Variants in CTXND1 observed in about 807,000 individuals in gnomAD.
The protein encoded by CTXND1 is cortexin domain-containing 1 protein.
At chr15:80,211,741 A>G (rs544503722) in intron 1 of CTXND1, among the ~76,000 whole-genome samples, 1 of 152,168 alleles carries the variant, frequency 6.6e-6, no homozygotes, top group Admixed American at 6.5e-5. Flanking sequence ...AAGTAAGAAA[A>G]GAGGGGTATT....
chr15:80,206,767 T>G (rs1893150843), intron 1 of CTXND1, among the ~76,000 whole-genome samples: 1 of 152,228 alleles, frequency 6.6e-6, no homozygotes, highest in South Asian at 2.1e-4. Flanking sequence ...TCTCTTTCCA[T>G]TGTCAGTTAG....
intron 1 of CTXND1, among the ~76,000 whole-genome samples, chr15:80,228,791 G>A (rs1893398929): frequency 6.6e-6 from 1 of 151,962 alleles, no homozygotes; most frequent in Admixed American, 6.5e-5. Flanking sequence ...ACCATACCCA[G>A]CTAATTTTTG....
At chr15:80,223,644 T>C (rs2162549) in intron 1 of CTXND1, among the ~76,000 whole-genome samples, 24,689 of 152,072 alleles carry the variant, frequency 0.16, 2,076 homozygotes, top group East Asian at 0.28. Context: ...GAGTTTTCCA[T>C]GGTGGATGGA....
At chr15:80,244,957 C>T (rs1054335392) in intron 1 of CTXND1, among the ~76,000 whole-genome samples, 1 of 152,098 alleles carries the variant, frequency 6.6e-6, no homozygotes, top group Non-Finnish European at 1.5e-5. Flanking sequence ...GAATCTCAGC[C>T]CAAATCCCAT....
intron 1 of CTXND1, among the ~76,000 whole-genome samples, chr15:80,216,461 C>T (rs1455278747): frequency 6.6e-6 from 1 of 152,160 alleles, no homozygotes; most frequent in Non-Finnish European, 1.5e-5. Context: ...AATTTGACAA[C>T]TGTTACATAG....
At chr15:80,237,376 T>C (rs1595909609) in intron 1 of CTXND1, among the ~76,000 whole-genome samples, 1 of 146,248 alleles carries the variant, frequency 6.8e-6, no homozygotes, top group Non-Finnish European at 1.5e-5. Context: ...AAGAAAACAG[T>C]GAATTATACA....
intron 1 of CTXND1, among the ~76,000 whole-genome samples, chr15:80,247,327 G>T (rs576863860): frequency 6.6e-6 from 1 of 152,112 alleles, no homozygotes. Context: ...AACTATGCTT[G>T]TGAGGTGCAT....
At chr15:80,221,060 C>T (rs565580789) in intron 1 of CTXND1, among the ~76,000 whole-genome samples, 9 of 152,042 alleles carry the variant, frequency 5.9e-5, no homozygotes, top group Middle Eastern at 3.4e-3. Flanking sequence ...AGGCACCCGC[C>T]ACCACGCTCG....
At chr15:80,213,774 G>T (rs1893224346) in intron 1 of CTXND1, among the ~76,000 whole-genome samples, 1 of 152,214 alleles carries the variant, frequency 6.6e-6, no homozygotes, top group Non-Finnish European at 1.5e-5. Flanking sequence ...GGATTTTGAA[G>T]GGGGAGATTA....
chr15:80,210,265 C>G (rs1200889797), intron 1 of CTXND1, among the ~76,000 whole-genome samples: 1 of 152,158 alleles, frequency 6.6e-6, no homozygotes, highest in Admixed American at 6.6e-5. Context: ...TCTAGCCAGT[C>G]CACTGAAGTT....
At chr15:80,228,636 C>CTTTTTTTTTTTTTTTTTTTTTT (rs58443773) in intron 1 of CTXND1, among the ~76,000 whole-genome samples, 1 of 139,916 alleles carries the variant, frequency 7.1e-6, no homozygotes. Context: ...AAATCTGAAA[C>CTTTTTTTTTTTTTTTTTTTTTT]TTTTTTTTTT....
At chr15:80,222,982 G>C (rs1223803948) in intron 1 of CTXND1, among the ~76,000 whole-genome samples, 2 of 152,146 alleles carry the variant, frequency 1.3e-5, no homozygotes, top group African/African-American at 4.8e-5. Flanking sequence ...TACCTGTCCT[G>C]AAACTTCATA....
chr15:80,201,550 C>T lies in CTXND1; in HGVS notation c.*220G>A, dbSNP rs1211838251. The T allele has an allele frequency of 5.3e-6, 2 of 377,132 alleles. No individual in the cohort carries two copies. Among genetic ancestry groups the T allele is most frequent in the Non-Finnish European group, 9.4e-6 (2 of 212,788 alleles). The allele number at this position is 377,132 out of a possible 1,614,324, so 23.4% of individuals were successfully genotyped here. ...CTGGGTCCTGGTCCAGGGCTCTTTTCCCCTGGCTGGTCCATGGTTGCGACA... is the reference window on the plus strand; with the variant it reads ...CTGGGTCCTGGTCCAGGGCTCTTTTTCCCTGGCTGGTCCATGGTTGCGACA... On this transcript the variant is annotated 3_prime_UTR_variant, in exon 3 of 3. Coordinates refer to ENST00000560778, the MANE Select transcript of CTXND1 (RefSeq NM_001352888.2).
chr15:80,202,774 A>G (rs190783069), intron 2 of CTXND1, among the ~76,000 whole-genome samples: 172 of 152,342 alleles, frequency 1.1e-3, no homozygotes, highest in African/African-American at 4.0e-3. Context: ...GGGACTCTCT[A>G]GAGACTCCTG....
chr15:80,208,992 C>G (rs777657829), intron 1 of CTXND1, among the ~76,000 whole-genome samples: 1 of 152,212 alleles, frequency 6.6e-6, no homozygotes, highest in Non-Finnish European at 1.5e-5. Context: ...CCTCTCAAAC[C>G]TTGATTCTGA....
intron 1 of CTXND1, among the ~76,000 whole-genome samples, chr15:80,209,717 C>T (rs1470564683): frequency 6.6e-6 from 1 of 152,222 alleles, no homozygotes; most frequent in East Asian, 1.9e-4. Flanking sequence ...AAAAAACTAG[C>T]AGCAAGGCAA....
intron 1 of CTXND1, among the ~76,000 whole-genome samples, chr15:80,244,801 C>G (rs1204937746): frequency 6.6e-6 from 1 of 152,158 alleles, no homozygotes; most frequent in Non-Finnish European, 1.5e-5. Context: ...GCAAGTTCAG[C>G]CCCCTAACAC....
intron 1 of CTXND1, among the ~76,000 whole-genome samples, chr15:80,231,992 T>A (rs1286543281): frequency 6.6e-6 from 1 of 152,148 alleles, no homozygotes; most frequent in African/African-American, 2.4e-5. Flanking sequence ...GGAAGTTGGA[T>A]GGCGTGGAGC....
In CTXND1 at chr15:80,197,061, G is replaced by GT. The variant is rs2041423976; in HGVS notation, c.*4708dup. On this transcript the variant is annotated 3_prime_UTR_variant, in exon 3 of 3. Coordinates refer to ENST00000560778, the MANE Select transcript of CTXND1 (RefSeq NM_001352888.2). ...GCCTGTTCCTGGGTAGTTTGTTTTT[G>GT]TTTTTTATTTTTAGAGACAGCATCT... 1 of 152,056 alleles carries GT rather than the reference G, an allele frequency of 6.6e-6. No individual in the cohort carries two copies. Among genetic ancestry groups the GT allele is most frequent in the Non-Finnish European group, 1.5e-5 (1 of 68,110 alleles). 9.4% of individuals were successfully genotyped at this position (152,056 alleles called of 1,614,324 possible). A position where few individuals can be genotyped will look rare whatever the true frequency, so the allele number is the denominator to read the frequency against.
Sources: gnomAD v4.1 joint callset for allele counts (sites outside exome capture counted in the v4.1 genomes callset) on GRCh38, gnomAD v4.1.1 for gene constraint, MANE v1.5 for transcripts, NCBI Gene and HGNC (gene_info 2026-07-23, HGNC 2026-07-21) for gene names.